Variants in LUZP2 observed in about 807,000 individuals in gnomAD.
The protein encoded by LUZP2 is leucine zipper protein 2.
LUZP2 carries 52 observed loss-of-function variants against 51.6 expected under a neutral mutation model. The ratio of observed to expected loss-of-function variants is 1.01; its 90% CI spans 0.81 to 1.27. LUZP2 has a LOEUF of 1.27. LUZP2 is among the 50% of genes most tolerant of loss of function. LUZP2 has a pLI of 0.00. For synonymous variants in LUZP2, 154 were observed against 137.3 expected (o/e 1.12, Z -0.85); for missense variants, 436 against 395.4 (o/e 1.10, Z -0.87).
chr11:24,570,748 G>T (rs1272120134), intron 1 of LUZP2, among the ~76,000 whole-genome samples: 1 of 152,008 alleles, frequency 6.6e-6, no homozygotes, highest in Non-Finnish European at 1.5e-5. Context: ...TAGATGTTAT[G>T]TGTCTAAGAA....
rs1390534374 is a variant in LUZP2, at chr11:24,711,765, T to C, written c.63-17404T>C. ...TTGCCTTTCCCTCTCATAAATTCCC[T>C]CTATTTGCAGCCCTTCTCTGCCCTC... On this transcript the variant is annotated intron_variant, in intron 1 of 11. Coordinates refer to ENST00000336930, the MANE Select transcript of LUZP2 (RefSeq NM_001009909.4). Among the ~76,000 whole-genome samples, 4 of 152,258 alleles carry C rather than the reference T, an allele frequency of 2.6e-5. No homozygotes were observed. The East Asian group carries it at 7.7e-4, about 29-fold the overall frequency.
intron 5 of LUZP2, among the ~76,000 whole-genome samples, chr11:24,825,970 G>T (rs975360156): frequency 7.3e-5 from 11 of 151,540 alleles, no homozygotes; most frequent in Non-Finnish European, 1.5e-5. Context: ...TGGATCACGA[G>T]GTCAGGAGAT....
chr11:24,986,530 C>G (rs1856192414), intron 9 of LUZP2, among the ~76,000 whole-genome samples: 1 of 100,572 alleles, frequency 9.9e-6, no homozygotes, highest in Admixed American at 1.3e-4. Context: ...TAGTGAATAG[C>G]ATGCCTCTGT....
chr11:24,575,630 T>A (rs772139065), intron 1 of LUZP2, among the ~76,000 whole-genome samples: 8 of 152,294 alleles, frequency 5.3e-5, no homozygotes, highest in Non-Finnish European at 1.0e-4. Context: ...ATCTATTTAA[T>A]CCCTGAAGTC....
intron 4 of LUZP2, among the ~76,000 whole-genome samples, chr11:24,755,214 A>G (rs1209247901): frequency 1.3e-5 from 2 of 152,154 alleles, no homozygotes; most frequent in African/African-American, 4.8e-5. Flanking sequence ...CCATTTTAGT[A>G]AAGGTACCTC....
At chr11:24,624,991 T>C (rs1273392769) in intron 1 of LUZP2, among the ~76,000 whole-genome samples, 1 of 152,172 alleles carries the variant, frequency 6.6e-6, no homozygotes, top group African/African-American at 2.4e-5. Flanking sequence ...GCAATTGGTA[T>C]GCATGGTGAG....
At chr11:24,779,093 A>G (rs1849019422) in intron 5 of LUZP2, among the ~76,000 whole-genome samples, 1 of 152,218 alleles carries the variant, frequency 6.6e-6, no homozygotes, top group Non-Finnish European at 1.5e-5. Flanking sequence ...AAAATACACC[A>G]TGAACAATTA....
intron 5 of LUZP2, among the ~76,000 whole-genome samples, chr11:24,894,359 G>C (rs1282222150): frequency 6.6e-6 from 1 of 152,126 alleles, no homozygotes; most frequent in Admixed American, 6.5e-5. Flanking sequence ...ATTTTTAGTA[G>C]AGATGGGATT....
chr11:24,787,169 T>C (rs1849272536), intron 5 of LUZP2, among the ~76,000 whole-genome samples: 1 of 152,162 alleles, frequency 6.6e-6, no homozygotes, highest in Non-Finnish European at 1.5e-5. Context: ...CTTCTTTAAT[T>C]TAAAGTAAGC....
intron 7 of LUZP2, among the ~76,000 whole-genome samples, chr11:24,972,168 G>A (rs921665324): frequency 2.4e-4 from 25 of 106,288 alleles, no homozygotes; most frequent in African/African-American, 7.1e-4. Context: ...AAAAACACTT[G>A]GGCATGAATG....
At chr11:24,630,012 T>G (rs1310334393) in intron 1 of LUZP2, among the ~76,000 whole-genome samples, 1 of 151,688 alleles carries the variant, frequency 6.6e-6, no homozygotes, top group East Asian at 1.9e-4. Context: ...AATGTCTATT[T>G]TTTTTTTGCC....
intron 7 of LUZP2, among the ~76,000 whole-genome samples, chr11:24,963,062 GT>G (rs1314322719): frequency 1.3e-5 from 2 of 152,174 alleles, no homozygotes; most frequent in Non-Finnish European, 2.9e-5. Context: ...CAGCAGCGGT[GT>G]TTGCAGAACA....
At chr11:24,634,444 A>T (rs1476023652) in intron 1 of LUZP2, among the ~76,000 whole-genome samples, 3 of 152,170 alleles carry the variant, frequency 2.0e-5, no homozygotes, top group East Asian at 1.9e-4. Context: ...TAAAAATTAC[A>T]TATCAGAAGA....
At chr11:24,683,619 A>G (rs975456655) in intron 1 of LUZP2, among the ~76,000 whole-genome samples, 1 of 152,224 alleles carries the variant, frequency 6.6e-6, no homozygotes, top group East Asian at 1.9e-4. Flanking sequence ...ATATTTAATC[A>G]TGATACTCAT....
At chr11:24,577,670 T>A (rs2133814905) in intron 1 of LUZP2, among the ~76,000 whole-genome samples, 1 of 152,310 alleles carries the variant, frequency 6.6e-6, no homozygotes, top group Middle Eastern at 3.4e-3. Context: ...ATGTAAATTC[T>A]GTGACAGGCA....
At chr11:24,826,054 T>A (rs957557680) in intron 5 of LUZP2, among the ~76,000 whole-genome samples, 88 of 150,164 alleles carry the variant, frequency 5.9e-4, no homozygotes, top group Non-Finnish European at 4.9e-4. Flanking sequence ...GCGCCTGTAG[T>A]CCCAGCTACT....
intron 9 of LUZP2, among the ~76,000 whole-genome samples, chr11:24,985,492 A>G (rs1481610590): frequency 6.6e-6 from 1 of 151,808 alleles, no homozygotes; most frequent in Non-Finnish European, 1.5e-5. Context: ...CCCAAACTAA[A>G]GTAGAAACAA....
At chr11:24,545,801 A>C (rs576741262) in intron 1 of LUZP2, among the ~76,000 whole-genome samples, 1 of 152,156 alleles carries the variant, frequency 6.6e-6, no homozygotes, top group Non-Finnish European at 1.5e-5. Flanking sequence ...ATTTTAAAAT[A>C]GTTATTTCTA....
chr11:24,834,542 G>A (rs1850800695), intron 5 of LUZP2, among the ~76,000 whole-genome samples: 1 of 152,102 alleles, frequency 6.6e-6, no homozygotes, highest in Non-Finnish European at 1.5e-5. Flanking sequence ...GTAAATAGTG[G>A]TACAATAAGC....
Sources: gnomAD v4.1 joint callset for allele counts (sites outside exome capture counted in the v4.1 genomes callset) on GRCh38, gnomAD v4.1.1 for gene constraint, MANE v1.5 for transcripts, NCBI Gene and HGNC (gene_info 2026-07-23, HGNC 2026-07-21) for gene names.